DOCK8: variants seen among roughly 807,000 people sequenced by gnomAD.
DOCK8 encodes the protein dedicator of cytokinesis 8.
Under a neutral mutation model 245.6 loss-of-function variants are expected in DOCK8, and 141 were observed. That is an observed-to-expected ratio of 0.57 (90% CI 0.50 to 0.66). The LOEUF (loss-of-function observed/expected upper bound fraction) is 0.66, where lower values mean the gene tolerates loss of function less well. DOCK8 is among the 30% of genes least tolerant of loss of function. DOCK8 has a pLI of 0.00. For missense variants in DOCK8, 2,965 were observed against 2,603.4 expected (o/e 1.14, Z -3.02); for synonymous variants, 1,168 against 970.2 (o/e 1.20, Z -3.79).
At chr9:426,786 A>C in intron 33 of DOCK8, 99 bp from the exon 34 acceptor site, 1 of 917,690 alleles carries the variant, frequency 1.1e-6, no homozygotes, top group Non-Finnish European at 1.8e-6. Context: ...AAGGTTGACT[A>C]TTTTGGAGAT....
At chr9:382,210 C>G (rs1350927308) in intron 21 of DOCK8, among the ~76,000 whole-genome samples, 3 of 152,100 alleles carry the variant, frequency 2.0e-5, no homozygotes, top group African/African-American at 4.8e-5. Context: ...GAAGCTCTAG[C>G]AACCCTGGGG....
chr9:370,102 C>T, intron 15 of DOCK8, 128 bp from the exon 16 acceptor site: 3 of 829,900 alleles, frequency 3.6e-6, no homozygotes, highest in Non-Finnish European at 4.1e-6. Flanking sequence ...TGCTCCTGGC[C>T]AACCCAGCAC....
At chr9:312,283 T>C (rs1292279076) in intron 6 of DOCK8, 117 bp downstream of exon 6, 2 of 1,275,104 alleles carry the variant, frequency 1.6e-6, no homozygotes, top group Admixed American at 3.9e-5. Context: ...CTCACTTGTA[T>C]GATTTCTGGG....
intron 6 of DOCK8, among the ~76,000 whole-genome samples, chr9:315,820 A>G (rs987401515): frequency 2.0e-5 from 3 of 152,222 alleles, no homozygotes; most frequent in Non-Finnish European, 4.4e-5. Flanking sequence ...GATTTCAAAA[A>G]TTAGAATCTA....
At chr9:331,146 G>T (rs539521389) in intron 9 of DOCK8, among the ~76,000 whole-genome samples, 1 of 152,306 alleles carries the variant, frequency 6.6e-6, no homozygotes, top group South Asian at 2.1e-4. Context: ...ATGAGCTTCA[G>T]GAGAATGGGG....
intron 2 of DOCK8, chr9:277,178 G>A (rs1327372196): frequency 1.3e-5 from 2 of 156,336 alleles, no homozygotes; most frequent in Non-Finnish European, 2.9e-5. Context: ...CAACAATTTG[G>A]GAGGCAGAGG....
At chr9:237,163 T>G (rs924287410) in intron 1 of DOCK8, among the ~76,000 whole-genome samples, 23 of 152,242 alleles carry the variant, frequency 1.5e-4, no homozygotes, top group African/African-American at 5.3e-4. Context: ...CTACTGTGGT[T>G]TGCTGTTGTC....
chr9:246,703 G>A (rs956951454), intron 1 of DOCK8, among the ~76,000 whole-genome samples: 3 of 151,908 alleles, frequency 2.0e-5, no homozygotes, highest in African/African-American at 7.2e-5. Context: ...TAGTGGTCTT[G>A]TTGTTGAATC....
intron 14 of DOCK8, among the ~76,000 whole-genome samples, chr9:354,304 C>A (rs1004383533): frequency 2.6e-5 from 4 of 152,160 alleles, no homozygotes; most frequent in Non-Finnish European, 2.9e-5. Flanking sequence ...TCCACTCCAG[C>A]CTGGGAAGAA....
intron 22 of DOCK8, among the ~76,000 whole-genome samples, chr9:383,529 T>C (rs1043104957): frequency 1.3e-5 from 2 of 151,842 alleles, no homozygotes; most frequent in African/African-American, 4.8e-5. Context: ...CAAAACTCTG[T>C]CTCAAAAAAA....
At chr9:234,623 T>C (rs753538067) in intron 1 of DOCK8, among the ~76,000 whole-genome samples, 6 of 152,166 alleles carry the variant, frequency 3.9e-5, no homozygotes, top group Non-Finnish European at 8.8e-5. Context: ...TGTAAACTTC[T>C]CTTCTCACTT....
Position 463,483 on chromosome 9 carries a change from AT to A in DOCK8, c.6069-31del, listed in dbSNP as rs747357256. 1.9e-6 allele frequency: 3 copies of A among 1,613,400 alleles called. No homozygotes were observed. In the African/African-American group the frequency reaches 4.0e-5, roughly 22 times the overall value. The stretch of plus-strand genomic sequence containing the variant: ...TCAGATTTCTAAGCACTTCAAAGTC[AT>A]TTATTTCTCCCACACTGATATTTTC... On this transcript the variant is annotated intron_variant, in intron 46 of 47. Coordinates refer to ENST00000432829, the MANE Select transcript of DOCK8 (RefSeq NM_203447.4).
upstream of DOCK8, chr9:214,633 C>G: frequency 6.2e-7 from 1 of 1,612,644 alleles, no homozygotes; most frequent in Non-Finnish European, 8.5e-7. Flanking sequence ...CAGTGGTCGC[C>G]TGTCGTCCGC....
At chr9:314,747 T>G (rs543219982) in intron 6 of DOCK8, among the ~76,000 whole-genome samples, 4 of 152,298 alleles carry the variant, frequency 2.6e-5, no homozygotes, top group African/African-American at 9.6e-5. Context: ...GGAAGAAAGG[T>G]AAATTTCTGC....
At chr9:267,897 A>G (rs570287138) in intron 1 of DOCK8, 3 of 152,310 alleles carry the variant, frequency 2.0e-5, no homozygotes, top group Admixed American at 1.3e-4. Context: ...TTTTGTTTGT[A>G]TGAATTCCAC....
chr9:298,855 A>G (rs1242159194), intron 4 of DOCK8, among the ~76,000 whole-genome samples: 2 of 151,886 alleles, frequency 1.3e-5, no homozygotes, highest in Non-Finnish European at 2.9e-5. Flanking sequence ...GTCATGTCAT[A>G]CTAAACCTTT....
chr9:305,279 C>CT lies in DOCK8; in HGVS notation c.528+580dup, dbSNP rs1376944468. Among the ~76,000 whole-genome samples the CT allele has an allele frequency of 1.8e-4, 28 of 151,568 alleles. 1 individual carries two copies. The highest frequency in any genetic ancestry group is 5.9e-4 in the Admixed American group (9 of 15,224). ...CACTGTTATTGTTATTGTCATTATT[C>CT]TTTTTCTTTTTTTTTTTTGTTGAGA... On this transcript the variant is annotated intron_variant, in intron 5 of 47. Coordinates refer to ENST00000432829, the MANE Select transcript of DOCK8 (RefSeq NM_203447.4).
chr9:214,815 G>C (rs781429335), upstream of DOCK8: 1 of 1,595,410 alleles, frequency 6.3e-7, no homozygotes, highest in South Asian at 1.1e-5. Context: ...CCCTCCCCCG[G>C]GGTGATTTCG....
intron 4 of DOCK8, among the ~76,000 whole-genome samples, chr9:290,192 C>G (rs961748294): frequency 6.6e-6 from 1 of 152,010 alleles, no homozygotes; most frequent in Non-Finnish European, 1.5e-5. Flanking sequence ...ACCCCTAGCC[C>G]GTGGGCAACA....
Sources: allele counts gnomAD v4.1 joint callset (sites outside exome capture counted in the v4.1 genomes callset), GRCh38; gene constraint gnomAD v4.1.1; transcripts MANE v1.5; gene names NCBI Gene and HGNC (gene_info 2026-07-23, HGNC 2026-07-21).